The following GNA12 variants were observed in gnomAD, a reference collection of about 807,000 sequenced individuals.
GNA12 encodes G protein subunit alpha 12, also known as guanine nucleotide-binding protein subunit alpha-12.
Under a neutral mutation model 26.0 loss-of-function variants are expected in GNA12, and 9 were observed. The observed-to-expected ratio is 0.35, with a 90% confidence interval of 0.21 to 0.60. The LOEUF (loss-of-function observed/expected upper bound fraction) is 0.60. GNA12 is among the 20% of genes least tolerant of loss of function. The pLI, the probability that GNA12 is intolerant of heterozygous loss-of-function variation, is 0.78. For missense variants in GNA12, 405 were observed against 525.8 expected, an observed-to-expected ratio of 0.77 and a Z score of 2.25; for synonymous variants, 264 against 219.6, an observed-to-expected ratio of 1.20 and a Z score of -1.79.
intron 1 of GNA12, among the ~76,000 whole-genome samples, chr7:2,817,143 T>C (rs1260173813): frequency 6.6e-6 from 1 of 152,272 alleles, no homozygotes; most frequent in Non-Finnish European, 1.5e-5. Context: ...TCTCGCTCTA[T>C]TGCCCAGGCT....
At chr7:2,791,200 G>A (rs375730026) in intron 2 of GNA12, among the ~76,000 whole-genome samples, 16 of 152,224 alleles carry the variant, frequency 1.1e-4, no homozygotes, top group African/African-American at 3.6e-4. Context: ...TTTCTGTTGA[G>A]CATCCTGCTC....
intron 2 of GNA12, among the ~76,000 whole-genome samples, chr7:2,792,388 C>G (rs887909121): frequency 6.6e-6 from 1 of 152,188 alleles, no homozygotes; most frequent in Admixed American, 6.5e-5. Flanking sequence ...GCTTGACTTC[C>G]TAAATTGGGA....
At chr7:2,809,885 A>G (rs1452506751) in intron 1 of GNA12, among the ~76,000 whole-genome samples, 1 of 152,244 alleles carries the variant, frequency 6.6e-6, no homozygotes, top group Non-Finnish European at 1.5e-5. Flanking sequence ...ACTTTGTAAT[A>G]AATTCTATGT....
chr7:2,771,236 AG>A (rs1791941168), intron 2 of GNA12, among the ~76,000 whole-genome samples: 1 of 152,242 alleles, frequency 6.6e-6, no homozygotes, highest in Admixed American at 6.5e-5. Context: ...GGTTGCCGTG[AG>A]CTGACATGTC....
In GNA12 at chr7:2,844,248, G is replaced by A. The variant is rs1421943912; in HGVS notation, c.-87C>T. The A allele has an allele frequency of 3.3e-6, 2 of 597,738 alleles. No individual in the cohort carries two copies. Among genetic ancestry groups the A allele is most frequent in the Non-Finnish European group, 4.2e-6 (2 of 477,740 alleles). The allele number at this position is 597,738 out of a possible 1,614,324, so 37.0% of individuals were successfully genotyped here. On this transcript the variant is annotated 5_prime_UTR_variant, in exon 1 of 4. Coordinates refer to ENST00000275364, the MANE Select transcript of GNA12 (RefSeq NM_007353.3). Reference sequence around the variant, plus strand: ...GAGGGCGAGCCCGGGCCGAGGCACCGCCCCACGCCCCGCCGCTCGCCTCAG... The same window carrying A: ...GAGGGCGAGCCCGGGCCGAGGCACCACCCCACGCCCCGCCGCTCGCCTCAG...
At chr7:2,807,168 G>C (rs749696086) in intron 1 of GNA12, among the ~76,000 whole-genome samples, 23 of 152,120 alleles carry the variant, frequency 1.5e-4, no homozygotes, top group Non-Finnish European at 3.1e-4. Context: ...AACTGAAAAT[G>C]AGGAAAATTT....
At chr7:2,831,466 C>T (rs6945135) in intron 1 of GNA12, among the ~76,000 whole-genome samples, 18 of 146,084 alleles carry the variant, frequency 1.2e-4, no homozygotes, top group Non-Finnish European at 2.5e-4. Flanking sequence ...TGCAGTGGCG[C>T]GATCTCTGCT....
intron 2 of GNA12, among the ~76,000 whole-genome samples, chr7:2,778,571 C>T (rs1054862779): frequency 2.0e-5 from 3 of 152,176 alleles, no homozygotes; most frequent in African/African-American, 2.4e-5. Context: ...AGTTCAGACC[C>T]CTGGCTCTCA....
intron 1 of GNA12, among the ~76,000 whole-genome samples, chr7:2,821,535 G>A (rs763186155): frequency 6.6e-6 from 1 of 152,198 alleles, no homozygotes; most frequent in African/African-American, 2.4e-5. Flanking sequence ...ATAAGGAAGC[G>A]AGGCTTGCAA....
At chr7:2,830,554 T>A (rs1160486315) in intron 1 of GNA12, among the ~76,000 whole-genome samples, 1 of 152,070 alleles carries the variant, frequency 6.6e-6, no homozygotes, top group African/African-American at 2.4e-5. Context: ...CCCCACCTGC[T>A]TACTGCCTTC....
chr7:2,813,306 CCA>C (rs1407766105), intron 1 of GNA12, among the ~76,000 whole-genome samples: 1 of 152,212 alleles, frequency 6.6e-6, no homozygotes, highest in Non-Finnish European at 1.5e-5. Context: ...CCGGCTTTCT[CCA>C]CAGTCATGTT....
Position 2,804,172 on chromosome 7 carries a change from A to G in GNA12, c.310-9029T>C, listed in dbSNP as rs182263569. ...TAAGGGGGAAAAGCTTGCACACACT[A>G]TCAACAGGTAACAGCTTCATGTGCT... On this transcript the variant is annotated intron_variant, in intron 1 of 3. Transcript: ENST00000275364. Among the ~76,000 whole-genome samples, 190 of 152,382 alleles carry G rather than the reference A, an allele frequency of 1.2e-3. 1 individual carries two copies. Among genetic ancestry groups the G allele is most frequent in the Non-Finnish European group, 1.1e-3 (72 of 68,042 alleles).
chr7:2,770,251 A>G (rs1791914864), intron 2 of GNA12, among the ~76,000 whole-genome samples: 1 of 152,242 alleles, frequency 6.6e-6, no homozygotes, highest in Non-Finnish European at 1.5e-5. Flanking sequence ...TGAGTCAATC[A>G]TCTTGGCAAA....
At chr7:2,816,605 A>G (rs1329201850) in intron 1 of GNA12, among the ~76,000 whole-genome samples, 1 of 152,242 alleles carries the variant, frequency 6.6e-6, no homozygotes, top group Non-Finnish European at 1.5e-5. Context: ...AGTAATATAC[A>G]TATTGATTAT....
At chr7:2,821,557 C>T (rs1793370939) in intron 1 of GNA12, among the ~76,000 whole-genome samples, 2 of 152,220 alleles carry the variant, frequency 1.3e-5, no homozygotes, top group Non-Finnish European at 2.9e-5. Flanking sequence ...TCCAAACGAA[C>T]TCACTGGGTG....
At chr7:2,841,289 G>A (rs552567573) in intron 1 of GNA12, among the ~76,000 whole-genome samples, 14 of 152,258 alleles carry the variant, frequency 9.2e-5, no homozygotes, top group African/African-American at 3.1e-4. Context: ...TTTCTAACAC[G>A]CACTTCATAC....
chr7:2,757,128 C>CTTTTTTTTTT (rs1562409543), intron 2 of GNA12, among the ~76,000 whole-genome samples: 1 of 115,136 alleles, frequency 8.7e-6, no homozygotes, highest in Non-Finnish European at 1.8e-5. Flanking sequence ...ATCAGGTGGG[C>CTTTTTTTTTT]CTTTTTTTTT....
intron 2 of GNA12, among the ~76,000 whole-genome samples, chr7:2,738,661 CCTCT>C (rs766251194): frequency 5.3e-5 from 8 of 151,706 alleles, no homozygotes; most frequent in African/African-American, 1.7e-4. Flanking sequence ...CAGGAGTAGC[CCTCT>C]CTGAGTATGT....
At position 2,839,921 on chromosome 7, in the gene GNA12, C is replaced by G. The variant is rs867107287; in HGVS notation, c.309+3932G>C. 4.6e-5 allele frequency among the ~76,000 whole-genome samples: 7 copies of G among 152,274 alleles called. 1 individual carries two copies. The Middle Eastern group carries it at 0.014, about 296-fold the overall frequency. On this transcript the variant is annotated intron_variant, in intron 1 of 3. Coordinates refer to ENST00000275364, the MANE Select transcript of GNA12 (RefSeq NM_007353.3). ...GGCTGGGACAGGAGAATCGCTTGAA[C>G]CCCGGGGCGGAGGTTGCAGTGAGCT...
Sources: gnomAD v4.1 joint callset for allele counts (sites outside exome capture counted in the v4.1 genomes callset) on GRCh38, gnomAD v4.1.1 for gene constraint, MANE v1.5 for transcripts, NCBI Gene and HGNC (gene_info 2026-07-23, HGNC 2026-07-21) for gene names.